CLN6: variants seen among roughly 807,000 people sequenced by gnomAD.
CLN6 encodes the protein CLN6 transmembrane ER protein, also known as ceroid-lipofuscinosis neuronal protein 6.
Under a neutral mutation model 33.3 loss-of-function variants are expected in CLN6, and 22 were observed. That is an observed-to-expected ratio of 0.66 (90% CI 0.47 to 0.94). CLN6 has a LOEUF of 0.94. CLN6 is among the 40% of genes least tolerant of loss of function. The probability of loss-of-function intolerance (pLI) is 0.00; values close to 1 mark genes in which losing one functional copy is unlikely to be tolerated. For synonymous variants in CLN6, 201 were observed against 174.6 expected (o/e 1.15, Z -1.19); for missense variants, 387 against 417.1 (o/e 0.93, Z 0.63).
chr15:68,229,497 C>T lies in CLN6; in HGVS notation c.83+5G>A. 1.4e-6 allele frequency: 2 copies of T among 1,463,560 alleles called. No individual in the cohort carries two copies. The highest frequency in any genetic ancestry group is 1.8e-6 in the Non-Finnish European group (2 of 1,112,554). 90.7% of individuals were successfully genotyped at this position (1,463,560 alleles called of 1,614,324 possible). The stretch of plus-strand genomic sequence containing the variant: ...GCCCGCCCTCTCACCCCGGCGCGCG[C>T]CCACCTGGCCTGCAGGAAGGAGGCG... On this transcript the variant is annotated splice_donor_5th_base_variant and intron_variant, in intron 1 of 6. Coordinates refer to ENST00000249806, the MANE Select transcript of CLN6 (RefSeq NM_017882.3).
At position 68,209,799 on chromosome 15, in the gene CLN6, G is replaced by C; in HGVS notation, c.543-40C>G. On this transcript the variant is annotated intron_variant, in intron 5 of 6. Coordinates refer to ENST00000249806, the MANE Select transcript of CLN6 (RefSeq NM_017882.3). This position sits in a 1 kb window ranked among gnomAD's most constrained non-coding sequence, Gnocchi z 4.9. ...CCAGTGTCTTAGAGGCCTGCTCAGC[G>C]GCCCTCTTCCCCACAACCTCTGCAA... The C allele has an allele frequency of 1.9e-6, 3 of 1,610,020 alleles. No homozygotes were observed. The highest frequency in any genetic ancestry group is 1.3e-5 in the African/African-American group (1 of 74,942).
rs1892342463 is a variant in CLN6 at position 68,247,883 on chromosome 15, C to T, written c.179+8807G>A. The stretch of plus-strand genomic sequence containing the variant: ...ATCTCTACTAAAAATACAAAATTAG[C>T]TGGGTGTGGTGGCACATGCCTGTAA... On this transcript the variant is annotated intron_variant, in intron 1 of 6. Coordinates refer to the CLN6 transcript ENST00000538696. The surrounding 1 kb of genome is among the most constrained non-coding windows in gnomAD (Gnocchi z 4.2). Among the ~76,000 whole-genome samples the T allele has an allele frequency of 6.6e-6, 1 of 151,812 alleles. No individual in the cohort carries two copies. Among genetic ancestry groups the T allele is most frequent in the African/African-American group, 2.4e-5 (1 of 41,148 alleles).
chr15:68,224,450 C>T (rs1045394072), intron 1 of CLN6, among the ~76,000 whole-genome samples: 11 of 151,032 alleles, frequency 7.3e-5, no homozygotes, highest in South Asian at 2.1e-4. Context: ...GACGAAACTC[C>T]GTCTCTACTA....
At chr15:68,233,388 C>G (rs889286570), upstream of CLN6, among the ~76,000 whole-genome samples, 1 of 152,128 alleles carries the variant, frequency 6.6e-6, no homozygotes, top group Admixed American at 6.6e-5. This position sits in a 1 kb window ranked among gnomAD's most constrained non-coding sequence, Gnocchi z 4.3. Context: ...AAGGCCGTGG[C>G]CAAGTCACCT....
chr15:68,247,029 G>A lies in CLN6; in HGVS notation c.179+9661C>T, dbSNP rs191040930. On this transcript the variant is annotated intron_variant, in intron 1 of 6. Coordinates refer to the CLN6 transcript ENST00000538696. This position sits in a 1 kb window ranked among gnomAD's most constrained non-coding sequence, Gnocchi z 4.2. The stretch of plus-strand genomic sequence containing the variant: ...AAATTAGCCTGGCGTGGTGGTGCAT[G>A]CCTGTAATCCCAGATACTCGGGAGG... Among the ~76,000 whole-genome samples, 550 of 152,144 alleles carry A rather than the reference G, an allele frequency of 3.6e-3. 1 individual carries two copies. Among genetic ancestry groups the A allele is most frequent in the Admixed American group, 9.1e-3 (139 of 15,284 alleles).
At chr15:68,213,855 G>A (rs1043991747) in intron 3 of CLN6, 7 of 226,358 alleles carry the variant, frequency 3.1e-5, no homozygotes, top group Admixed American at 5.1e-5. Context: ...CTCCAGGGCA[G>A]AGGATGGAGT....
chr15:68,239,800 C>T (rs936751894), intron 1 of CLN6, among the ~76,000 whole-genome samples: 1 of 152,240 alleles, frequency 6.6e-6, no homozygotes, highest in Admixed American at 6.5e-5. Flanking sequence ...GCATTCTTTT[C>T]AAGGACACTT....
In CLN6 at chr15:68,247,138, C is replaced by T. The variant is rs1892336049; in HGVS notation, c.179+9552G>A. Reference sequence around the variant, plus strand: ...GATGCCCACCTCCACTTTTATTCAACATAGTATTGGAAGTCCTGTCCATAG... The same window carrying T: ...GATGCCCACCTCCACTTTTATTCAATATAGTATTGGAAGTCCTGTCCATAG... On this transcript the variant is annotated intron_variant, in intron 1 of 6. Transcript: ENST00000538696. The surrounding 1 kb of genome is among the most constrained non-coding windows in gnomAD (Gnocchi z 4.2). Among the ~76,000 whole-genome samples the T allele has an allele frequency of 6.6e-6, 1 of 151,996 alleles. No individual in the cohort carries two copies. The highest frequency in any genetic ancestry group is 2.1e-4 in the South Asian group (1 of 4,830).
Position 68,211,396 on chromosome 15 carries a change from C to T in CLN6, c.487-78G>A. 1 of 1,558,430 alleles carries T rather than the reference C, an allele frequency of 6.4e-7. No homozygotes were observed. The highest frequency in any genetic ancestry group is 1.7e-5 in the Admixed American group (1 of 59,850). On this transcript the variant is annotated intron_variant, in intron 4 of 6. Coordinates refer to ENST00000249806, the MANE Select transcript of CLN6 (RefSeq NM_017882.3). This position sits in a 1 kb window ranked among gnomAD's most constrained non-coding sequence, Gnocchi z 5.9. ...GAGGTGCTGGGGCCCCAAGCATCCCCTCTGACCACCCTTCTCCCAGTCCCA... is the reference window on the plus strand; with the variant it reads ...GAGGTGCTGGGGCCCCAAGCATCCCTTCTGACCACCCTTCTCCCAGTCCCA...
chr15:68,209,355 T>C lies in CLN6; in HGVS notation c.665+282A>G, dbSNP rs370471459. On this transcript the variant is annotated intron_variant, in intron 6 of 6. Transcript: ENST00000249806. This position sits in a 1 kb window ranked among gnomAD's most constrained non-coding sequence, Gnocchi z 4.9. ...GGCCCCAGGGCAACACTGGGGTTCT[T>C]GAGATGGGGCACAGAGCGAGAGGGG... Among the ~76,000 whole-genome samples, 11 of 152,256 alleles carry C rather than the reference T, an allele frequency of 7.2e-5. No individual in the cohort carries two copies. In the East Asian group the frequency reaches 1.5e-3, roughly 21 times the overall value.
chr15:68,239,899 T>G (rs1344330682), intron 1 of CLN6, among the ~76,000 whole-genome samples: 4 of 152,332 alleles, frequency 2.6e-5, no homozygotes, highest in African/African-American at 9.6e-5. Flanking sequence ...CCACATTTTA[T>G]AATCCACAAT....
chr15:68,226,618 C>T (rs935528071), intron 1 of CLN6, among the ~76,000 whole-genome samples: 1 of 152,056 alleles, frequency 6.6e-6, no homozygotes, highest in Non-Finnish European at 1.5e-5. Context: ...ATGCGCATGA[C>T]ACCATGCCTG....
At chr15:68,230,531 C>G (rs2093266745), upstream of CLN6, among the ~76,000 whole-genome samples, 2 of 152,180 alleles carry the variant, frequency 1.3e-5, no homozygotes, top group African/African-American at 4.8e-5. The surrounding 1 kb of genome is among the most constrained non-coding windows in gnomAD (Gnocchi z 4.0). Context: ...TGAGAACAGC[C>G]TGCAGGGCAG....
chr15:68,251,448 G>T (rs1892377641), intron 1 of CLN6, among the ~76,000 whole-genome samples: 2 of 152,228 alleles, frequency 1.3e-5, no homozygotes, highest in South Asian at 4.2e-4. Flanking sequence ...GCAGAGGCGG[G>T]TGGATGGATT....
At position 68,242,949 on chromosome 15, in the gene CLN6, G is replaced by T. The variant is rs1892292058; in HGVS notation, c.179+13741C>A. ...ATAATTGAAATTGCTTACTTACCAG[G>T]TTTTTCACTAAAAATAAAAGTTGCT... On this transcript the variant is annotated intron_variant, in intron 1 of 6. Transcript: ENST00000538696. This position sits in a 1 kb window ranked among gnomAD's most constrained non-coding sequence, Gnocchi z 5.0. Among the ~76,000 whole-genome samples, 1 of 152,248 alleles carries T rather than the reference G, an allele frequency of 6.6e-6. No individual in the cohort carries two copies. Among genetic ancestry groups the T allele is most frequent in the South Asian group, 2.1e-4 (1 of 4,822 alleles).
rs1189502653 is a variant in CLN6, at chr15:68,246,293, C to A, written c.179+10397G>T. Among the ~76,000 whole-genome samples the A allele has an allele frequency of 6.6e-6, 1 of 152,102 alleles. No homozygotes were observed. The highest frequency in any genetic ancestry group is 1.5e-5 in the Non-Finnish European group (1 of 68,028). Reference sequence around the variant, plus strand: ...TGTTTTCATAAACACATGTAACATTCTCCAAAATAGACTATATCTTAGGCT... The same window carrying A: ...TGTTTTCATAAACACATGTAACATTATCCAAAATAGACTATATCTTAGGCT... On this transcript the variant is annotated intron_variant, in intron 1 of 6. Coordinates refer to the CLN6 transcript ENST00000538696. This position sits in a 1 kb window ranked among gnomAD's most constrained non-coding sequence, Gnocchi z 4.5.
intron 1 of CLN6, 117 bp downstream of exon 1, chr15:68,229,385 C>A: frequency 1.3e-6 from 1 of 771,904 alleles, no homozygotes; most frequent in Non-Finnish European, 1.8e-6. Context: ...CCGCTCCGCC[C>A]CGGCCAGCGC....
rs1200053629 is a variant in CLN6, at chr15:68,241,422, T to C, written c.179+15268A>G. Among the ~76,000 whole-genome samples the C allele has an allele frequency of 6.6e-6, 1 of 152,130 alleles. No homozygotes were observed. Among genetic ancestry groups the C allele is most frequent in the African/African-American group, 2.4e-5 (1 of 41,440 alleles). On this transcript the variant is annotated intron_variant, in intron 1 of 6. Coordinates refer to the CLN6 transcript ENST00000538696. The surrounding 1 kb of genome is among the most constrained non-coding windows in gnomAD (Gnocchi z 4.2). ...ATCCATGACTCCCCTCCCTATAATC[T>C]GCCCAGCACCAAGTGTGTGGGAAAT...
At chr15:68,235,340 G>A (rs965773920) in intron 1 of CLN6, among the ~76,000 whole-genome samples, 1 of 152,134 alleles carries the variant, frequency 6.6e-6, no homozygotes, top group Non-Finnish European at 1.5e-5. Context: ...GGAGGCTGGA[G>A]GGAGGTCTTT....
Sources: gnomAD v4.1 joint callset for allele counts (sites outside exome capture counted in the v4.1 genomes callset) on GRCh38, gnomAD v4.1.1 for gene constraint, Gnocchi (gnomAD v3.1) non-coding constraint, MANE v1.5 for transcripts, NCBI Gene and HGNC (gene_info 2026-07-23, HGNC 2026-07-21) for gene names.